The following CTNNA2 variants were observed in gnomAD, a reference collection of about 807,000 sequenced individuals.
CTNNA2 encodes the protein catenin alpha-2.
In CTNNA2, 42 loss-of-function variants were observed where a neutral mutation model predicts 101.0. That is an observed-to-expected ratio of 0.42 (90% confidence interval 0.32 to 0.54). The LOEUF is 0.54. Ranked by LOEUF, CTNNA2 falls within the 20% of genes least tolerant of loss-of-function variation. The pLI is 0.14. For synonymous variants in CTNNA2, 450 were observed against 456.4 expected, an observed-to-expected ratio of 0.99 and a Z score of 0.18; for missense variants, 871 against 1,223.1, an observed-to-expected ratio of 0.71 and a Z score of 4.29.
intron 1 of CTNNA2, among the ~76,000 whole-genome samples, chr2:79,585,326 TC>T (rs995472871): frequency 1.3e-5 from 2 of 152,052 alleles, no homozygotes; most frequent in African/African-American, 4.8e-5. Flanking sequence ...TTTCTAATTG[TC>T]CTGTCTCTAA....
intron 4 of CTNNA2, 97 bp from the exon 5 acceptor site, chr2:79,869,719 G>A (rs911086468): frequency 6.8e-7 from 1 of 1,465,774 alleles, no homozygotes; most frequent in South Asian, 1.4e-5. Flanking sequence ...ACACATACTA[G>A]TGTTTTAGAG....
intron 3 of CTNNA2, among the ~76,000 whole-genome samples, chr2:79,797,993 T>A (rs528182521): frequency 6.6e-6 from 1 of 152,248 alleles, no homozygotes; most frequent in East Asian, 1.9e-4. Flanking sequence ...CTTTTTCTCA[T>A]ATGTATATTC....
At chr2:79,985,431 G>T (rs955402149) in intron 7 of CTNNA2, among the ~76,000 whole-genome samples, 3 of 151,602 alleles carry the variant, frequency 2.0e-5, no homozygotes, top group Non-Finnish European at 2.9e-5. Flanking sequence ...TGTGCAAACT[G>T]CCTCTTCAGT....
intron 1 of CTNNA2, among the ~76,000 whole-genome samples, chr2:79,616,757 CTTACTG>C (rs1252794164): frequency 1.3e-5 from 2 of 152,194 alleles, no homozygotes; most frequent in African/African-American, 4.8e-5. Context: ...TCCGTTTGCC[CTTACTG>C]TTGGGTGAGA....
intron 7 of CTNNA2, among the ~76,000 whole-genome samples, chr2:80,151,168 C>T (rs943785748): frequency 1.3e-5 from 2 of 152,194 alleles, no homozygotes; most frequent in Non-Finnish European, 2.9e-5. Flanking sequence ...GCTCAGAAGC[C>T]TATGTTTCCT....
intron 7 of CTNNA2, among the ~76,000 whole-genome samples, chr2:80,210,622 A>G (rs2149034465): frequency 6.6e-6 from 1 of 152,316 alleles, no homozygotes; most frequent in South Asian, 2.1e-4. Context: ...ATTGATGGAC[A>G]TTTGGGTTGG....
At chr2:79,706,103 A>G (rs997831013) in intron 2 of CTNNA2, among the ~76,000 whole-genome samples, 3 of 151,930 alleles carry the variant, frequency 2.0e-5, no homozygotes, top group Non-Finnish European at 2.9e-5. Flanking sequence ...GGTGGCTTAT[A>G]CCTGTAATCC....
chr2:80,164,747 A>T (rs182144348), intron 7 of CTNNA2, among the ~76,000 whole-genome samples: 1 of 146,992 alleles, frequency 6.8e-6, no homozygotes, highest in East Asian at 2.0e-4. Context: ...AGGTCTATTG[A>T]TAACAAAGTC....
At chr2:79,236,062 A>G (rs1674553723) in intron 2 of CTNNA2, among the ~76,000 whole-genome samples, 1 of 152,024 alleles carries the variant, frequency 6.6e-6, no homozygotes, top group Non-Finnish European at 1.5e-5. Flanking sequence ...TTCCCAGGGA[A>G]ACAGGAGGAT....
intron 7 of CTNNA2, among the ~76,000 whole-genome samples, chr2:80,358,239 T>G (rs968547185): frequency 6.6e-6 from 1 of 152,126 alleles, no homozygotes; most frequent in Non-Finnish European, 1.5e-5. Context: ...CATTAACCAT[T>G]GCTTACTAGT....
intron 2 of CTNNA2, among the ~76,000 whole-genome samples, chr2:79,207,490 G>C (rs531068821): frequency 1.7e-4 from 26 of 152,150 alleles, no homozygotes; most frequent in African/African-American, 5.8e-4. Flanking sequence ...AGCCACAGTG[G>C]GCCCTCATTT....
intron 2 of CTNNA2, among the ~76,000 whole-genome samples, chr2:79,229,276 A>G (rs758122828): frequency 1.3e-5 from 2 of 152,110 alleles, no homozygotes; most frequent in Non-Finnish European, 2.9e-5. Context: ...CCCAGATCTC[A>G]ACTTGAATTG....
chr2:79,844,971 A>G (rs1470092851), intron 3 of CTNNA2, among the ~76,000 whole-genome samples: 3 of 36,356 alleles, frequency 8.3e-5, no homozygotes, highest in Non-Finnish European at 1.8e-4. Flanking sequence ...TAAAGAATGA[A>G]AACAAACTAC....
intron 7 of CTNNA2, among the ~76,000 whole-genome samples, chr2:80,256,572 T>C (rs943791398): frequency 6.6e-6 from 1 of 152,138 alleles, no homozygotes; most frequent in African/African-American, 2.4e-5. Flanking sequence ...GATAAAAATA[T>C]GTCATCAATT....
chr2:79,203,655 C>CATAAT (rs1674065612), intron 2 of CTNNA2, among the ~76,000 whole-genome samples: 1 of 152,192 alleles, frequency 6.6e-6, no homozygotes, highest in South Asian at 2.1e-4. Flanking sequence ...GTTTTTTGCA[C>CATAAT]ATAACATATC....
At chr2:79,980,591 C>A (rs1285133020) in intron 7 of CTNNA2, among the ~76,000 whole-genome samples, 1 of 151,980 alleles carries the variant, frequency 6.6e-6, no homozygotes, top group East Asian at 1.9e-4. Flanking sequence ...TATTTATAAA[C>A]CTCATTATAA....
At chr2:79,635,300 T>C (rs1025075505) in intron 1 of CTNNA2, among the ~76,000 whole-genome samples, 1 of 151,586 alleles carries the variant, frequency 6.6e-6, no homozygotes, top group African/African-American at 2.4e-5. Context: ...GGCGCGGTGG[T>C]GGGCGCCTGT....
intron 7 of CTNNA2, among the ~76,000 whole-genome samples, chr2:80,233,803 A>G (rs1165402503): frequency 6.6e-6 from 1 of 152,206 alleles, no homozygotes; most frequent in Non-Finnish European, 1.5e-5. Flanking sequence ...CACTCAGGCA[A>G]TCCCACCTAG....
At chr2:80,635,108 T>TAC (rs750144328) in intron 18 of CTNNA2, among the ~76,000 whole-genome samples, 18 of 152,184 alleles carry the variant, frequency 1.2e-4, no homozygotes, top group Non-Finnish European at 2.2e-4. Context: ...ATAGAATGGT[T>TAC]ACAACTCATT....
Sources: allele counts gnomAD v4.1 joint callset (sites outside exome capture counted in the v4.1 genomes callset), GRCh38; gene constraint gnomAD v4.1.1; transcripts MANE v1.5; gene names NCBI Gene and HGNC (gene_info 2026-07-23, HGNC 2026-07-21).